The following ATP9B variants were observed in gnomAD, a reference collection of about 807,000 sequenced individuals.
ATP9B encodes the protein probable phospholipid-transporting ATPase IIB.
Under a neutral mutation model 146.1 loss-of-function variants are expected in ATP9B, and 110 were observed. That is an observed-to-expected ratio of 0.75 (90% CI 0.65 to 0.88). The LOEUF (loss-of-function observed/expected upper bound fraction) is 0.88, where lower values mean the gene tolerates loss of function less well. Among genes scored for constraint, ATP9B ranks in the 40% least tolerant of loss-of-function variants. The pLI, the probability that ATP9B is intolerant of heterozygous loss-of-function variation, is 0.00. For synonymous variants in ATP9B, 604 were observed against 569.7 expected, an observed-to-expected ratio of 1.06 and a Z score of -0.86; for missense variants, 1,499 against 1,496.4, an observed-to-expected ratio of 1.00 and a Z score of -0.03.
intron 17 of ATP9B, among the ~76,000 whole-genome samples, chr18:79,332,448 A>G (rs1227116227): frequency 6.6e-6 from 1 of 152,248 alleles, no homozygotes; most frequent in Admixed American, 6.5e-5. Flanking sequence ...AAATAAAAAA[A>G]TTATAAGGAA....
At chr18:79,108,992 A>C (rs961301273) in intron 2 of ATP9B, among the ~76,000 whole-genome samples, 1 of 152,174 alleles carries the variant, frequency 6.6e-6, no homozygotes, top group African/African-American at 2.4e-5. Flanking sequence ...AGGGTGTGGC[A>C]CTCCAGCATG....
chr18:79,245,564 C>G (rs552666134), intron 11 of ATP9B, among the ~76,000 whole-genome samples: 1 of 151,542 alleles, frequency 6.6e-6, no homozygotes, highest in East Asian at 1.9e-4. Flanking sequence ...GGGCACCGCC[C>G]TACTGACTGT....
chr18:79,094,585 T>A (rs895968645), intron 1 of ATP9B, among the ~76,000 whole-genome samples: 6 of 152,174 alleles, frequency 3.9e-5, no homozygotes, highest in Non-Finnish European at 8.8e-5. Flanking sequence ...CTAATAGGGC[T>A]AGGAGAAACA....
At chr18:79,133,607 A>G (rs1458857537) in intron 5 of ATP9B, among the ~76,000 whole-genome samples, 1 of 152,116 alleles carries the variant, frequency 6.6e-6, no homozygotes, top group East Asian at 1.9e-4. Flanking sequence ...ACATACATAC[A>G]CACACACTCA....
At chr18:79,088,429 A>G (rs567585296) in intron 1 of ATP9B, among the ~76,000 whole-genome samples, 3 of 152,366 alleles carry the variant, frequency 2.0e-5, no homozygotes, top group African/African-American at 4.8e-5. Context: ...ATGACATTTT[A>G]AGGGAAAATA....
At chr18:79,354,596 A>T (rs2958429) in intron 25 of ATP9B, 1 of 119,310 alleles carries the variant, frequency 8.4e-6, no homozygotes. Flanking sequence ...AAAAAAAAAA[A>T]CCCAGCCCCA....
In ATP9B at chr18:79,377,410, CCCCAGCACCTTCTGCCCTT is replaced by C. The variant is rs765837227; in HGVS notation, c.*39_*57del. 1.4e-5 allele frequency: 23 copies of C among 1,601,688 alleles called. No individual in the cohort carries two copies. The highest frequency in any genetic ancestry group is 4.5e-5 in the East Asian group (2 of 44,862). ...GGGCTGTGCACCCCCAGCGGGCTGG[CCCCAGCACCTTCTGCCCTT>C]CCCAGCACCTTGTGCCCTTGCCAGT... On this transcript the variant is annotated 3_prime_UTR_variant, in exon 30 of 30. Transcript: ENST00000426216.
chr18:79,273,907 C>T (rs956354750), intron 12 of ATP9B, among the ~76,000 whole-genome samples: 63 of 152,164 alleles, frequency 4.1e-4, no homozygotes, highest in Non-Finnish European at 8.4e-4. Flanking sequence ...ATGTATCTTC[C>T]TACTCCTAAC....
intron 3 of ATP9B, 135 bp from the exon 4 acceptor site, chr18:79,113,106 T>A: frequency 1.9e-6 from 1 of 530,596 alleles, no homozygotes; most frequent in East Asian, 3.1e-5. Flanking sequence ...ATTAATACAT[T>A]TACTTTGAAT....
intron 13 of ATP9B, among the ~76,000 whole-genome samples, chr18:79,298,946 G>C (rs1019553923): frequency 5.3e-5 from 6 of 112,848 alleles, no homozygotes; most frequent in African/African-American, 1.9e-4. Flanking sequence ...AAGGCAGTCA[G>C]CCTGAGCTGC....
At chr18:79,111,300 G>A (rs987854125) in intron 3 of ATP9B, among the ~76,000 whole-genome samples, 1 of 152,090 alleles carries the variant, frequency 6.6e-6, no homozygotes, top group African/African-American at 2.4e-5. Flanking sequence ...TGCAAGAAAA[G>A]CTCTTGATTA....
intron 11 of ATP9B, among the ~76,000 whole-genome samples, chr18:79,227,668 G>A (rs576400964): frequency 6.6e-6 from 1 of 152,260 alleles, no homozygotes; most frequent in African/African-American, 2.4e-5. Context: ...CCAGCCTGTG[G>A]CCCTCTTTAC....
chr18:79,167,834 C>T (rs2094999482), intron 7 of ATP9B, among the ~76,000 whole-genome samples: 1 of 152,168 alleles, frequency 6.6e-6, no homozygotes, highest in Non-Finnish European at 1.5e-5. Flanking sequence ...TCACAGGGGA[C>T]CTGCCAATTT....
chr18:79,248,269 G>A (rs926257152), intron 11 of ATP9B, among the ~76,000 whole-genome samples: 2 of 150,634 alleles, frequency 1.3e-5, no homozygotes, highest in Non-Finnish European at 2.9e-5. Flanking sequence ...TTTAAACTTC[G>A]TAATGGAAAA....
Position 79,143,754 on chromosome 18 carries a change from G to A in ATP9B, c.668-48G>A, listed in dbSNP as rs771751242. On this transcript the variant is annotated intron_variant, in intron 5 of 29. Transcript: ENST00000426216. ...ATTTTTTAATTGAAAGTTGAACTTG[G>A]GTGTGCTGTTGTTTCCTTGAGTTGA... is the stretch of plus-strand genomic sequence containing the variant. The A allele has an allele frequency of 4.2e-6, 5 of 1,189,906 alleles. No individual in the cohort carries two copies. The Admixed American group carries it at 1.0e-4, about 24-fold the overall frequency. The allele number at this position is 1,189,906 out of a possible 1,614,324, so 73.7% of individuals were successfully genotyped here.
At chr18:79,191,317 T>A (rs1336356337) in intron 8 of ATP9B, among the ~76,000 whole-genome samples, 1 of 152,196 alleles carries the variant, frequency 6.6e-6, no homozygotes, top group Non-Finnish European at 1.5e-5. Flanking sequence ...TTTATTTATG[T>A]GTTTAGGGGT....
intron 1 of ATP9B, chr18:79,086,135 A>G (rs2146591369): frequency 6.6e-6 from 1 of 152,192 alleles, no homozygotes; most frequent in South Asian, 2.1e-4. Context: ...GTCTATAAGA[A>G]TTTCCTTTAA....
chr18:79,143,860 G>T lies in ATP9B; in HGVS notation c.726G>T (p.Lys242Asn). ...IQVGDLIIVE[K>N]NQRIPSDMVF... is the part of the protein sequence containing the mutation. ...TTGGAGACCTCATCATAGTGGAAAA[G>T]GTTGATGATTTTTTAATATATTTTA... The change falls in exon 6 of 30, where the codon AAG (lysine) becomes AAT (asparagine). Residue 242 changes from lysine to asparagine, a missense_variant and splice_region_variant. Transcript: ENST00000426216. 1 of 1,562,692 alleles carries T rather than the reference G, an allele frequency of 6.4e-7. No individual in the cohort carries two copies. Among genetic ancestry groups the T allele is most frequent in the Non-Finnish European group, 8.7e-7 (1 of 1,152,474 alleles).
intron 15 of ATP9B, among the ~76,000 whole-genome samples, chr18:79,308,706 GGGGT>G (rs2096633286): frequency 7.1e-6 from 1 of 140,456 alleles, no homozygotes; most frequent in African/African-American, 2.7e-5. Context: ...TAGAAGGTCA[GGGGT>G]GGTGGAGTGA....
Sources: allele counts gnomAD v4.1 joint callset (sites outside exome capture counted in the v4.1 genomes callset), GRCh38; gene constraint gnomAD v4.1.1; transcripts MANE v1.5; gene names NCBI Gene and HGNC (gene_info 2026-07-23, HGNC 2026-07-21).